IL2RA: variants seen among roughly 807,000 people sequenced by gnomAD.
IL2RA encodes interleukin 2 receptor subunit alpha.
In IL2RA, 24 loss-of-function variants were observed where a neutral mutation model predicts 37.8. The ratio of observed to expected loss-of-function variants is 0.63; its 90% CI spans 0.46 to 0.89. The LOEUF (loss-of-function observed/expected upper bound fraction) is 0.89. Among genes scored for constraint, IL2RA ranks in the 40% least tolerant of loss-of-function variants. The probability of loss-of-function intolerance (pLI) is 0.00; values close to 1 mark genes in which losing one functional copy is unlikely to be tolerated. For missense variants in IL2RA, 319 were observed against 348.6 expected (o/e 0.92, Z 0.68); for synonymous variants, 125 against 114.6 (o/e 1.09, Z -0.58).
chr10:6,041,194 T>C (rs891249566), intron 1 of IL2RA, among the ~76,000 whole-genome samples: 1 of 149,594 alleles, frequency 6.7e-6, no homozygotes, highest in African/African-American at 2.5e-5. Context: ...CTTGGCTCAC[T>C]GCAAGCTCCG....
At position 6,062,310 on chromosome 10, in the gene IL2RA, A is replaced by G. The variant is rs766745489; in HGVS notation, c.-159T>C. The G allele has an allele frequency of 1.9e-5, 12 of 625,208 alleles. No homozygotes were observed. The highest frequency in any genetic ancestry group is 1.8e-5 in the African/African-American group (1 of 54,392). The allele number at this position is 625,208 out of a possible 1,614,324, so 38.7% of individuals were successfully genotyped here. ...ACCCTTGTGGGTCCATCCAGTCTCTATCGGAGTCAGGAGTTGCTCTCTTTA... is the reference window on the plus strand; with the variant it reads ...ACCCTTGTGGGTCCATCCAGTCTCTGTCGGAGTCAGGAGTTGCTCTCTTTA... On this transcript the variant is annotated 5_prime_UTR_variant, in exon 1 of 8. Coordinates refer to ENST00000379959, the MANE Select transcript of IL2RA (RefSeq NM_000417.3).
chr10:6,032,933 G>A (rs1330169582), intron 1 of IL2RA, among the ~76,000 whole-genome samples: 4 of 152,124 alleles, frequency 2.6e-5, no homozygotes, highest in Non-Finnish European at 5.9e-5. Context: ...TAAAATGCAA[G>A]TTGAAAACAA....
intron 1 of IL2RA, among the ~76,000 whole-genome samples, chr10:6,030,832 A>G (rs1381398674): frequency 1.3e-5 from 2 of 152,218 alleles, no homozygotes; most frequent in African/African-American, 4.8e-5. Flanking sequence ...AATATACAGC[A>G]GTCCTAGTAT....
rs1165458527 is a variant in IL2RA at position 6,020,647 on chromosome 10, C to T, written c.584-706G>A. On this transcript the variant is annotated intron_variant, in intron 4 of 7. Coordinates refer to ENST00000379959, the MANE Select transcript of IL2RA (RefSeq NM_000417.3). The surrounding 1 kb of genome is among the most constrained non-coding windows in gnomAD (Gnocchi z 5.6). ...TCCTGGGTTCAAGTGATTCTCCTGC[C>T]TCAGCCTCCCAAGTAGCTGGGATTA... is the stretch of plus-strand genomic sequence containing the variant. Among the ~76,000 whole-genome samples the T allele has an allele frequency of 1.3e-5, 2 of 152,146 alleles. No homozygotes were observed. The highest frequency in any genetic ancestry group is 6.5e-5 in the Admixed American group (1 of 15,270).
Position 6,012,599 on chromosome 10 carries a change from G to T in IL2RA, c.*273C>A. On this transcript the variant is annotated 3_prime_UTR_variant, in exon 8 of 8. Coordinates refer to ENST00000379959, the MANE Select transcript of IL2RA (RefSeq NM_000417.3). This position sits in a 1 kb window ranked among gnomAD's most constrained non-coding sequence, Gnocchi z 4.8. ...GAACACATATACATGAAAATAAGAT[G>T]GAGAGTTCTAGTGGTTTTGCCCTTC... 1.8e-6 allele frequency: 1 copy of T among 567,722 alleles called. No homozygotes were observed. Among genetic ancestry groups the T allele is most frequent in the Non-Finnish European group, 3.2e-6 (1 of 316,558 alleles). 35.2% of individuals were successfully genotyped at this position (567,722 alleles called of 1,614,324 possible). A position where few individuals can be genotyped will look rare whatever the true frequency, so the allele number is the denominator to read the frequency against.
intron 1 of IL2RA, among the ~76,000 whole-genome samples, chr10:6,026,569 A>G (rs1455561497): frequency 6.6e-6 from 1 of 152,178 alleles, no homozygotes; most frequent in South Asian, 2.1e-4. Flanking sequence ...ACCTTCTTAT[A>G]TTATGAAGAC....
rs374735363 is a variant in IL2RA at position 6,021,732 on chromosome 10, A to G, written c.368-39T>C. On this transcript the variant is annotated intron_variant, in intron 3 of 7. Coordinates refer to ENST00000379959, the MANE Select transcript of IL2RA (RefSeq NM_000417.3). This position sits in a 1 kb window ranked among gnomAD's most constrained non-coding sequence, Gnocchi z 4.9. The stretch of plus-strand genomic sequence containing the variant: ...GGAATGCTCTGAAGGCAAGTTGGGG[A>G]CAGCACCGCGAGTGAGTCCAGGTTG... 1 of 1,574,880 alleles carries G rather than the reference A, an allele frequency of 6.3e-7. No individual in the cohort carries two copies.
intron 1 of IL2RA, among the ~76,000 whole-genome samples, chr10:6,051,236 G>C (rs1371904400): frequency 6.6e-6 from 1 of 152,034 alleles, no homozygotes; most frequent in East Asian, 1.9e-4. Context: ...TTTCATTGTC[G>C]GGGAAGCCAC....
rs1839516893 is a variant in IL2RA at position 6,028,332 on chromosome 10, C to T, written c.65-2307G>A. 6.6e-6 allele frequency among the ~76,000 whole-genome samples: 1 copy of T among 152,166 alleles called. No individual in the cohort carries two copies. Among genetic ancestry groups the T allele is most frequent in the African/African-American group, 2.4e-5 (1 of 41,438 alleles). On this transcript the variant is annotated intron_variant, in intron 1 of 7. Transcript: ENST00000379959. The surrounding 1 kb of genome is among the most constrained non-coding windows in gnomAD (Gnocchi z 4.1). ...GGGCAGAACTCAGTGAAACTTAGCC[C>T]TGATTGTCCATTGTGAGGGCTGAGA...
At position 6,054,492 on chromosome 10, in the gene IL2RA, T is replaced by C. The variant is rs1255809005; in HGVS notation, c.64+7596A>G. Among the ~76,000 whole-genome samples, 1 of 152,152 alleles carries C rather than the reference T, an allele frequency of 6.6e-6. No individual in the cohort carries two copies. The highest frequency in any genetic ancestry group is 1.5e-5 in the Non-Finnish European group (1 of 68,034). The stretch of plus-strand genomic sequence containing the variant: ...CACATGCTGTCTGTCTGAGCAAAAG[T>C]ATTCGTTTTTGTCCGAGAATCTGAG... On this transcript the variant is annotated intron_variant, in intron 1 of 7. Coordinates refer to ENST00000379959, the MANE Select transcript of IL2RA (RefSeq NM_000417.3). The surrounding 1 kb of genome is among the most constrained non-coding windows in gnomAD (Gnocchi z 4.5).
intron 1 of IL2RA, among the ~76,000 whole-genome samples, chr10:6,045,424 C>G (rs1391667058): frequency 6.6e-6 from 1 of 152,038 alleles, no homozygotes; most frequent in Non-Finnish European, 1.5e-5. Context: ...GCCGCTAAAC[C>G]ATCACATTTT....
chr10:6,039,527 A>C (rs1250836233), intron 1 of IL2RA: 1 of 152,110 alleles, frequency 6.6e-6, no homozygotes, highest in Admixed American at 6.6e-5. Flanking sequence ...AGCAGAGCCC[A>C]CTCTTTTTTC....
At chr10:6,041,720 T>TA (rs1427774811) in intron 1 of IL2RA, among the ~76,000 whole-genome samples, 1 of 152,194 alleles carries the variant, frequency 6.6e-6, no homozygotes, top group African/African-American at 2.4e-5. Flanking sequence ...GAGACGTCTT[T>TA]AAAATACAGT....
At chr10:6,034,785 A>G (rs1839653600) in intron 1 of IL2RA, among the ~76,000 whole-genome samples, 1 of 151,972 alleles carries the variant, frequency 6.6e-6, no homozygotes, top group African/African-American at 2.4e-5. Context: ...AACATAAATC[A>G]TTCTCTCCCG....
intron 1 of IL2RA, among the ~76,000 whole-genome samples, chr10:6,042,056 T>G (rs1206460075): frequency 6.8e-6 from 1 of 146,418 alleles, no homozygotes; most frequent in Non-Finnish European, 1.5e-5. Context: ...TACATATGGT[T>G]GATAAGGTGA....
chr10:6,031,474 A>G (rs12264052), intron 1 of IL2RA, among the ~76,000 whole-genome samples: 8,858 of 27,956 alleles, frequency 0.32, 704 homozygotes, highest in Non-Finnish European at 0.37. Flanking sequence ...ATATATATAT[A>G]TATATATATA....
intron 1 of IL2RA, among the ~76,000 whole-genome samples, chr10:6,041,177 G>GT (rs1443410994): frequency 6.7e-6 from 1 of 150,372 alleles, no homozygotes; most frequent in African/African-American, 2.5e-5. Flanking sequence ...GAGTGCAGTG[G>GT]TGCAATCTTG....
intron 1 of IL2RA, among the ~76,000 whole-genome samples, chr10:6,041,796 A>G (rs1006982958): frequency 5.9e-5 from 9 of 152,178 alleles, no homozygotes; most frequent in Admixed American, 1.3e-4. Flanking sequence ...CAACCAAAAG[A>G]AAGCTCGATA....
chr10:6,040,784 G>A (rs1460967714), intron 1 of IL2RA, among the ~76,000 whole-genome samples: 1 of 152,082 alleles, frequency 6.6e-6, no homozygotes, highest in Non-Finnish European at 1.5e-5. Context: ...GCATACAATT[G>A]TTGGAAAAAG....
Sources: gnomAD v4.1 joint callset for allele counts (sites outside exome capture counted in the v4.1 genomes callset) on GRCh38, gnomAD v4.1.1 for gene constraint, Gnocchi (gnomAD v3.1) non-coding constraint, MANE v1.5 for transcripts, NCBI Gene and HGNC (gene_info 2026-07-23, HGNC 2026-07-21) for gene names.